The following SHISA9 variants were observed in gnomAD, a reference collection of about 807,000 sequenced individuals.
SHISA9 encodes protein shisa-9.
Under a neutral mutation model 38.0 loss-of-function variants are expected in SHISA9, and 13 were observed. That is an observed-to-expected ratio of 0.34 (90% CI 0.22 to 0.54). SHISA9 has a LOEUF of 0.54. Among genes scored for constraint, SHISA9 ranks in the 20% least tolerant of loss-of-function variants. The pLI is 0.91. For synonymous variants in SHISA9, 275 were observed against 242.0 expected, an observed-to-expected ratio of 1.14 and a Z score of -1.27; for missense variants, 538 against 575.8, an observed-to-expected ratio of 0.93 and a Z score of 0.67.
the SHISA9 span, among the ~76,000 whole-genome samples, chr16:13,326,821 T>C: frequency 1.3e-5 from 2 of 152,202 alleles, no homozygotes; most frequent in African/African-American, 4.8e-5. Flanking sequence ...GTGTGAAAAG[T>C]GATATGGTTG....
At chr16:13,305,594 G>A in the SHISA9 span, among the ~76,000 whole-genome samples, 1 of 152,196 alleles carries the variant, frequency 6.6e-6, no homozygotes. Flanking sequence ...CATGTGGTAA[G>A]GAACTGATGA....
chr16:13,252,193 C>T, the SHISA9 span, among the ~76,000 whole-genome samples: 1,450 of 152,308 alleles, frequency 9.5e-3, 26 homozygotes, highest in African/African-American at 0.033. Context: ...CTCACCCCTT[C>T]ACTCACTCTG....
At chr16:13,558,231 C>T in the SHISA9 span, among the ~76,000 whole-genome samples, 1 of 152,188 alleles carries the variant, frequency 6.6e-6, no homozygotes, top group Non-Finnish European at 1.5e-5. Context: ...AAAATGAGGG[C>T]AGTGGTTGAC....
chr16:13,374,888 G>A, the SHISA9 span, among the ~76,000 whole-genome samples: 1 of 152,184 alleles, frequency 6.6e-6, no homozygotes. Flanking sequence ...TCTCATTGTG[G>A]TTTTGAGTTG....
At chr16:13,469,385 GA>G in the SHISA9 span, among the ~76,000 whole-genome samples, 1 of 91,328 alleles carries the variant, frequency 1.1e-5, no homozygotes, top group African/African-American at 4.2e-5. Context: ...AAGAAAGAAA[GA>G]AAGAAAGAAA....
At chr16:13,264,175 T>C in the SHISA9 span, among the ~76,000 whole-genome samples, 4 of 150,692 alleles carry the variant, frequency 2.7e-5, no homozygotes, top group African/African-American at 9.7e-5. Context: ...TAAATCTTTT[T>C]TTTTTTTTTT....
chr16:13,355,866 A>G, the SHISA9 span, among the ~76,000 whole-genome samples: 2 of 152,240 alleles, frequency 1.3e-5, no homozygotes, highest in African/African-American at 2.4e-5. Flanking sequence ...GGAAGGAGTC[A>G]GTCAGAAAGC....
chr16:13,233,598 C>CATATATATATCCATATATA (rs2051352862), intron 4 of SHISA9, among the ~76,000 whole-genome samples: 2 of 152,198 alleles, frequency 1.3e-5, no homozygotes, highest in African/African-American at 4.8e-5. Context: ...ACAAAAGCAG[C>CATATATATATCCATATATA]TATGGATAAT....
At chr16:13,252,486 G>A in the SHISA9 span, among the ~76,000 whole-genome samples, 1 of 152,148 alleles carries the variant, frequency 6.6e-6, no homozygotes, top group African/African-American at 2.4e-5. Context: ...AGTGCTGAGG[G>A]TGAGAAACCC....
At chr16:13,499,982 G>A in the SHISA9 span, among the ~76,000 whole-genome samples, 10 of 152,208 alleles carry the variant, frequency 6.6e-5, no homozygotes, top group Non-Finnish European at 1.0e-4. Flanking sequence ...TGCATGGCAG[G>A]GACACAGACA....
chr16:13,028,831 G>T (rs1374721870), intron 2 of SHISA9, among the ~76,000 whole-genome samples: 3 of 152,174 alleles, frequency 2.0e-5, no homozygotes, highest in Admixed American at 6.5e-5. Context: ...GCAGATGGTG[G>T]TGAAATTCTC....
chr16:13,261,515 C>T, the SHISA9 span, among the ~76,000 whole-genome samples: 1 of 152,154 alleles, frequency 6.6e-6, no homozygotes, highest in African/African-American at 2.4e-5. Flanking sequence ...TTCCACAGCA[C>T]CCCCACCAGC....
At chr16:13,108,565 C>A (rs2073948478) in intron 2 of SHISA9, among the ~76,000 whole-genome samples, 1 of 151,918 alleles carries the variant, frequency 6.6e-6, no homozygotes, top group Non-Finnish European at 1.5e-5. Flanking sequence ...GTGCCTGGCC[C>A]AAAGAGAGCA....
the SHISA9 span, among the ~76,000 whole-genome samples, chr16:13,532,338 A>G: frequency 6.6e-6 from 1 of 152,194 alleles, no homozygotes; most frequent in Admixed American, 6.5e-5. Context: ...TACAGGGATA[A>G]GAGCAGAGGA....
chr16:13,470,168 G>T, the SHISA9 span, among the ~76,000 whole-genome samples: 1 of 152,046 alleles, frequency 6.6e-6, no homozygotes, highest in Non-Finnish European at 1.5e-5. Context: ...TAGGAGATTT[G>T]AAAAGAAAAT....
intron 2 of SHISA9, among the ~76,000 whole-genome samples, chr16:13,074,743 C>T (rs1452211957): frequency 6.6e-6 from 1 of 150,720 alleles, no homozygotes; most frequent in Non-Finnish European, 1.5e-5. Flanking sequence ...CAGCTCACTG[C>T]AACCTCTGCC....
In SHISA9 at chr16:13,238,873, T is replaced by G. The variant is rs1433995643; in HGVS notation, c.*3464T>G. 1 of 149,180 alleles carries G rather than the reference T, an allele frequency of 6.7e-6. No individual in the cohort carries two copies. The highest frequency in any genetic ancestry group is 2.0e-4 in the East Asian group (1 of 5,082). 9.2% of individuals were successfully genotyped at this position (149,180 alleles called of 1,614,324 possible). A position where few individuals can be genotyped will look rare whatever the true frequency, so the allele number is the denominator to read the frequency against. On this transcript the variant is annotated 3_prime_UTR_variant, in exon 5 of 5. Coordinates refer to ENST00000558583, the MANE Select transcript of SHISA9 (RefSeq NM_001145204.3). ...ATTATACTTTAAGTTTTAGGGTACA[T>G]GTGCACAATGTGCAGGTTAGTTACA...
the SHISA9 span, among the ~76,000 whole-genome samples, chr16:13,467,546 A>G: frequency 6.6e-6 from 1 of 152,162 alleles, no homozygotes; most frequent in East Asian, 1.9e-4. Context: ...GTGGCCTATC[A>G]TGTGATTTCT....
chr16:13,346,773 C>T, the SHISA9 span, among the ~76,000 whole-genome samples: 6 of 152,070 alleles, frequency 3.9e-5, no homozygotes, highest in Non-Finnish European at 7.4e-5. Context: ...CCTACCATAC[C>T]GTATACACCC....
Sources: allele counts gnomAD v4.1 joint callset (sites outside exome capture counted in the v4.1 genomes callset), GRCh38; gene constraint gnomAD v4.1.1; transcripts MANE v1.5; gene names NCBI Gene and HGNC (gene_info 2026-07-23, HGNC 2026-07-21).